Variants in DPH6 observed in about 807,000 individuals in gnomAD.
DPH6 encodes the protein diphthine--ammonia ligase.
A neutral mutation model predicts 38.2 loss-of-function variants in DPH6; 33 were observed. The observed-to-expected ratio is 0.86, with a 90% CI of 0.65 to 1.15. The LOEUF (loss-of-function observed/expected upper bound fraction) is 1.15. Ranked by LOEUF, DPH6 falls within the 50% of genes most tolerant of loss-of-function variation. DPH6 has a pLI of 0.00. For missense variants in DPH6, 325 were observed against 320.0 expected (o/e 1.02, Z -0.12); for synonymous variants, 108 against 103.0 (o/e 1.05, Z -0.30).
chr15:35,184,626 A>G, the DPH6 span, among the ~76,000 whole-genome samples: 1 of 152,202 alleles, frequency 6.6e-6, no homozygotes, highest in Non-Finnish European at 1.5e-5. Context: ...AAAAAGAGGA[A>G]AACTGGGTTT....
At chr15:35,199,001 C>T in the DPH6 span, among the ~76,000 whole-genome samples, 1 of 152,074 alleles carries the variant, frequency 6.6e-6, no homozygotes, top group East Asian at 1.9e-4. Flanking sequence ...CTCACTCCAA[C>T]CTCCACCTCC....
chr15:35,332,533 C>T (rs2052333899), intron 3 of DPH6, among the ~76,000 whole-genome samples: 1 of 152,032 alleles, frequency 6.6e-6, no homozygotes, highest in Admixed American at 6.6e-5. Flanking sequence ...CTTAATTGTA[C>T]TTTTTAAAAG....
At chr15:35,177,416 A>AAAT in the DPH6 span, among the ~76,000 whole-genome samples, 1 of 137,670 alleles carries the variant, frequency 7.3e-6, no homozygotes, top group Non-Finnish European at 1.6e-5. Flanking sequence ...CTCTCTACAA[A>AAAT]AATAATAATA....
At position 35,543,259 on chromosome 15, in the gene DPH6, A is replaced by ATATATATATAT. The variant is rs1491418079; in HGVS notation, c.24-753_24-752insATATATATATA. On this transcript the variant is annotated intron_variant, in intron 1 of 8. Coordinates refer to ENST00000256538, the MANE Select transcript of DPH6 (RefSeq NM_080650.4). ...ATACATATAGTACACACATACACATAATATATATATATATATATATATATA... is the reference window on the plus strand; with the variant it reads ...ATACATATAGTACACACATACACATATATATATATATATATATATATATATATATATATATA... Among the ~76,000 whole-genome samples, 112 of 114,102 alleles carry ATATATATATAT rather than the reference A, an allele frequency of 9.8e-4. 8 individuals carry two copies. The highest frequency in any genetic ancestry group is 2.6e-3 in the East Asian group (11 of 4,212). The allele number at this position is 114,102 out of a possible 152,430, so 74.9% of individuals were successfully genotyped here. A position where few individuals can be genotyped will look rare whatever the true frequency, so the allele number is the denominator to read the frequency against.
the DPH6 span, among the ~76,000 whole-genome samples, chr15:35,201,934 T>C: frequency 6.6e-6 from 1 of 151,776 alleles, no homozygotes; most frequent in South Asian, 2.1e-4. Context: ...CTAGAAAAAG[T>C]CTGTTATGTC....
intron 3 of DPH6, among the ~76,000 whole-genome samples, chr15:35,320,395 C>T (rs2052229410): frequency 6.6e-6 from 1 of 152,094 alleles, no homozygotes; most frequent in African/African-American, 2.4e-5. Flanking sequence ...TGAGTGTATA[C>T]ACTTCCTTCT....
At chr15:35,429,352 A>G (rs747717382) in intron 5 of DPH6, among the ~76,000 whole-genome samples, 4 of 151,996 alleles carry the variant, frequency 2.6e-5, no homozygotes, top group Non-Finnish European at 5.9e-5. Flanking sequence ...ATTTACCTCT[A>G]TTTTGTTTTA....
rs1314334803 is a variant in DPH6 at position 35,461,070 on chromosome 15, T to C, written c.313-6250A>G. On this transcript the variant is annotated intron_variant, in intron 3 of 8. Coordinates refer to ENST00000256538, the MANE Select transcript of DPH6 (RefSeq NM_080650.4). ...AGATGATCAACCATGGTTCTCAGAA[T>C]ACTTATTTATTTATTCATTTATTTA... Among the ~76,000 whole-genome samples the C allele has an allele frequency of 2.6e-5, 4 of 152,286 alleles. No individual in the cohort carries two copies. In the East Asian group the frequency reaches 7.7e-4, roughly 29 times the overall value.
chr15:35,275,050 G>T (rs963125957), intron 3 of DPH6, among the ~76,000 whole-genome samples: 1 of 152,010 alleles, frequency 6.6e-6, no homozygotes, highest in African/African-American at 2.4e-5. Flanking sequence ...GAGTAGCTGG[G>T]ACTACAGGTG....
intron 2 of DPH6, among the ~76,000 whole-genome samples, 169 bp from the exon 3 acceptor site, chr15:35,538,636 T>C (rs1206743821): frequency 6.6e-6 from 1 of 152,190 alleles, no homozygotes; most frequent in Non-Finnish European, 1.5e-5. Flanking sequence ...AATTGCACAT[T>C]TGTCTGTAGT....
chr15:35,266,133 T>C (rs1207160305), intron 3 of DPH6, among the ~76,000 whole-genome samples: 2 of 152,310 alleles, frequency 1.3e-5, no homozygotes, highest in African/African-American at 2.4e-5. Flanking sequence ...GACTTAATTA[T>C]ATCATTCCCA....
At chr15:35,435,273 C>G (rs1993340) in intron 5 of DPH6, among the ~76,000 whole-genome samples, 1 of 151,784 alleles carries the variant, frequency 6.6e-6, no homozygotes, top group Non-Finnish European at 1.5e-5. Flanking sequence ...CTCTGTACAT[C>G]GTGAAATACA....
chr15:35,546,112 G>A lies in DPH6; in HGVS notation c.23+7C>T. ...GGAGGAAGGAGGCGGCTCCAGGACC[G>A]CATTACCTGATCAGAGCCGCGACCC... is the stretch of plus-strand genomic sequence containing the variant. On this transcript the variant is annotated splice_region_variant and intron_variant, in intron 1 of 8. Transcript: ENST00000256538. 5.7e-6 allele frequency: 8 copies of A among 1,406,098 alleles called. No homozygotes were observed. Among genetic ancestry groups the A allele is most frequent in the South Asian group, 3.2e-5 (2 of 62,832 alleles). The allele number at this position is 1,406,098 out of a possible 1,614,324, so 87.1% of individuals were successfully genotyped here. A position where few individuals can be genotyped will look rare whatever the true frequency, so the allele number is the denominator to read the frequency against.
rs562322602 is a variant in DPH6, at chr15:35,262,374, A to G, written n.201-41792T>C. On this transcript the variant is annotated intron_variant and non_coding_transcript_variant, in intron 3 of 3. Coordinates refer to the DPH6 transcript ENST00000560386. Reference sequence around the variant, plus strand: ...TTTAATTCATATTTACTAATTTGCCATAAGTCTTTAAAAAATGTTTTCTAA... The same window carrying G: ...TTTAATTCATATTTACTAATTTGCCGTAAGTCTTTAAAAAATGTTTTCTAA... Among the ~76,000 whole-genome samples the G allele has an allele frequency of 3.9e-5, 6 of 152,322 alleles. No individual in the cohort carries two copies. In the South Asian group the frequency reaches 6.2e-4, roughly 16 times the overall value.
Position 35,527,738 on chromosome 15 carries a change from T to C in DPH6, c.312+10536A>G, listed in dbSNP as rs74010329. On this transcript the variant is annotated intron_variant, in intron 3 of 8. Coordinates refer to ENST00000256538, the MANE Select transcript of DPH6 (RefSeq NM_080650.4). Reference sequence around the variant, plus strand: ...TATGGGGAAGAATGAGTTCCGACAATAGTCTAGTTTAGATGGCACGTAGCT... The same window carrying C: ...TATGGGGAAGAATGAGTTCCGACAACAGTCTAGTTTAGATGGCACGTAGCT... Among the ~76,000 whole-genome samples the C allele has an allele frequency of 7.7e-3, 1,165 of 152,232 alleles. 17 individuals carry two copies. The highest frequency in any genetic ancestry group is 0.027 in the African/African-American group (1,124 of 41,542).
intron 3 of DPH6, among the ~76,000 whole-genome samples, chr15:35,528,951 C>T (rs1412310877): frequency 1.3e-5 from 2 of 152,134 alleles, no homozygotes; most frequent in Admixed American, 6.6e-5. Context: ...TCAACCTTTA[C>T]AGACTTATTT....
intron 6 of DPH6, among the ~76,000 whole-genome samples, chr15:35,406,654 T>G (rs1179448269): frequency 2.0e-5 from 3 of 152,036 alleles, no homozygotes; most frequent in Non-Finnish European, 2.9e-5. Context: ...TATGAAATTA[T>G]TTATTACAAT....
chr15:35,415,851 A>C (rs149139521), intron 5 of DPH6, among the ~76,000 whole-genome samples: 2 of 152,044 alleles, frequency 1.3e-5, no homozygotes, highest in African/African-American at 4.8e-5. Context: ...CATATTAGAG[A>C]TCATTTCACT....
At chr15:35,361,413 T>C (rs111330780) in intron 3 of DPH6, among the ~76,000 whole-genome samples, 9 of 152,324 alleles carry the variant, frequency 5.9e-5, no homozygotes, top group African/African-American at 2.2e-4. Context: ...TGCAGGCCTT[T>C]TTAGGTTTGT....
Sources: allele counts gnomAD v4.1 joint callset (sites outside exome capture counted in the v4.1 genomes callset), GRCh38; gene constraint gnomAD v4.1.1; transcripts MANE v1.5; gene names NCBI Gene and HGNC (gene_info 2026-07-23, HGNC 2026-07-21).